Variants in TMEM26 observed in about 807,000 individuals in gnomAD.
TMEM26 encodes the protein transmembrane protein 26.
In TMEM26, 38 loss-of-function variants were observed where a neutral mutation model predicts 28.8. That is an observed-to-expected ratio of 1.32 (90% CI 1.02 to 1.73). TMEM26 has a LOEUF of 1.73. Ranked by LOEUF, TMEM26 falls within the 40% of genes most tolerant of loss-of-function variation. The pLI is 0.00. For synonymous variants in TMEM26, 227 were observed against 182.9 expected, an observed-to-expected ratio of 1.24 and a Z score of -1.95; for missense variants, 518 against 447.1, an observed-to-expected ratio of 1.16 and a Z score of -1.43.
intron 5 of TMEM26, among the ~76,000 whole-genome samples, chr10:61,412,525 A>C (rs1469148563): frequency 6.6e-6 from 1 of 152,180 alleles, no homozygotes; most frequent in East Asian, 1.9e-4. Flanking sequence ...AGTCAGGCTA[A>C]GGAAAACATA....
chr10:61,426,866 CTA>C (rs1839841867), intron 4 of TMEM26, among the ~76,000 whole-genome samples: 1 of 151,960 alleles, frequency 6.6e-6, no homozygotes, highest in Non-Finnish European at 1.5e-5. Flanking sequence ...TTTGCAGTGT[CTA>C]TTCTTGCAGT....
At chr10:61,425,108 C>A (rs1193310508) in intron 4 of TMEM26, among the ~76,000 whole-genome samples, 1 of 152,074 alleles carries the variant, frequency 6.6e-6, no homozygotes, top group Non-Finnish European at 1.5e-5. Flanking sequence ...TGGGGGAAGG[C>A]AAGGAGGAGC....
At position 61,440,953 on chromosome 10, in the gene TMEM26, C is replaced by T. The variant is rs1430874504; in HGVS notation, c.192-4705G>A. On this transcript the variant is annotated intron_variant, in intron 1 of 5. Transcript: ENST00000399298. ...TGCATATAACCTATGCATATCCTCCCTATGCTTTAAATCATCTCTACATTA... is the reference window on the plus strand; with the variant it reads ...TGCATATAACCTATGCATATCCTCCTTATGCTTTAAATCATCTCTACATTA... 2.6e-5 allele frequency among the ~76,000 whole-genome samples: 4 copies of T among 152,152 alleles called. No homozygotes were observed. The East Asian group carries it at 7.7e-4, about 29-fold the overall frequency.
At chr10:61,417,116 G>A (rs2135291296) in intron 4 of TMEM26, among the ~76,000 whole-genome samples, 1 of 152,064 alleles carries the variant, frequency 6.6e-6, no homozygotes, top group South Asian at 2.1e-4. Context: ...GGAGATTAAT[G>A]GCAAACACTC....
chr10:61,449,181 A>T (rs569211945), intron 1 of TMEM26, among the ~76,000 whole-genome samples: 2 of 151,960 alleles, frequency 1.3e-5, no homozygotes, highest in Non-Finnish European at 2.9e-5. Flanking sequence ...AGGAGTACAT[A>T]TTTTTTTTAG....
Position 61,413,504 on chromosome 10 carries a change from C to T in TMEM26, c.637G>A (p.Val213Ile). The T allele has an allele frequency of 6.2e-7, 1 of 1,612,954 alleles. No homozygotes were observed. The highest frequency in any genetic ancestry group is 1.1e-5 in the South Asian group (1 of 90,964). Residue 213 changes from valine (V) to isoleucine (I), a missense_variant, in exon 5 of 6, where the codon GTT (valine) becomes ATT (isoleucine). Physicochemically the swap from Val to Ile is conservative, Grantham distance 29. Coordinates refer to ENST00000399298, the MANE Select transcript of TMEM26 (RefSeq NM_178505.8). ...TGCAGCATGCTCCAAGTCCATATAA[C>T]AAGGATGGCATAGACTAGTGCAGGA... ...NSPALVYAIL[V>I]IWTWSMLQFP...
chr10:61,416,877 T>C (rs1222564231), intron 4 of TMEM26, among the ~76,000 whole-genome samples: 1 of 152,018 alleles, frequency 6.6e-6, no homozygotes, highest in East Asian at 1.9e-4. Context: ...CCTACATAAA[T>C]CCAACTTTAA....
intron 4 of TMEM26, among the ~76,000 whole-genome samples, chr10:61,421,043 CAG>C (rs1839738053): frequency 6.6e-6 from 1 of 151,500 alleles, no homozygotes; most frequent in Non-Finnish European, 1.5e-5. Context: ...GAGGAGGAAA[CAG>C]AGTTATCAGT....
rs1171890044 is a variant in TMEM26 at position 61,410,550 on chromosome 10, GTTC to G, written c.876_878del (p.Lys292del). On this transcript the variant is annotated inframe_deletion, in exon 6 of 6. Coordinates refer to ENST00000399298, the MANE Select transcript of TMEM26 (RefSeq NM_178505.8). ...AGAGTTGCAACACCACCACGAGGAA[GTTC>G]TTCGCGGCAAAGAACACCAGCATCT... 6.2e-7 allele frequency: 1 copy of G among 1,614,014 alleles called. No homozygotes were observed. Among genetic ancestry groups the G allele is most frequent in the African/African-American group, 1.3e-5 (1 of 74,926 alleles).
chr10:61,423,421 T>C (rs1839779963), intron 4 of TMEM26, among the ~76,000 whole-genome samples: 1 of 152,092 alleles, frequency 6.6e-6, no homozygotes, highest in African/African-American at 2.4e-5. Context: ...CATAAGCAAA[T>C]GTTAGCAAGC....
Position 61,407,066 on chromosome 10 carries a change from G to A in TMEM26, c.*3256C>T, listed in dbSNP as rs1481939689. 6.6e-6 allele frequency: 1 copy of A among 152,028 alleles called. No homozygotes were observed. The highest frequency in any genetic ancestry group is 1.5e-5 in the Non-Finnish European group (1 of 67,980). The allele number at this position is 152,028 out of a possible 1,614,324, so 9.4% of individuals were successfully genotyped here. On this transcript the variant is annotated 3_prime_UTR_variant, in exon 6 of 6. Coordinates refer to ENST00000399298, the MANE Select transcript of TMEM26 (RefSeq NM_178505.8). The stretch of plus-strand genomic sequence containing the variant: ...GTCACCATCCCTCTTTCTTAGCATT[G>A]GAGGAGGGCTAAAGTGGACAGATGC...
intron 1 of TMEM26, among the ~76,000 whole-genome samples, chr10:61,440,518 A>G (rs1476557703): frequency 6.6e-6 from 1 of 150,582 alleles, no homozygotes; most frequent in East Asian, 1.9e-4. Context: ...AGTTCTCAAA[A>G]AAAAAAAAAA....
At chr10:61,413,705 T>A in intron 4 of TMEM26, 170 bp from the exon 5 acceptor site, 1 of 1,303,968 alleles carries the variant, frequency 7.7e-7, no homozygotes, top group Non-Finnish European at 9.7e-7. Context: ...AATGGAATAA[T>A]GAAGAAGTGA....
chr10:61,419,931 T>C (rs1341021217), intron 4 of TMEM26, among the ~76,000 whole-genome samples: 1 of 152,028 alleles, frequency 6.6e-6, no homozygotes, highest in East Asian at 1.9e-4. Context: ...CAAGAGAAAA[T>C]TGAGTCATCA....
chr10:61,422,725 T>C (rs188578306), intron 4 of TMEM26, among the ~76,000 whole-genome samples: 1 of 151,704 alleles, frequency 6.6e-6, no homozygotes, highest in East Asian at 2.0e-4. Context: ...ATAGAAAATA[T>C]GAAAGGTCAG....
At chr10:61,432,766 G>GT (rs1262835868) in intron 2 of TMEM26, among the ~76,000 whole-genome samples, 8 of 152,082 alleles carry the variant, frequency 5.3e-5, no homozygotes, top group Non-Finnish European at 7.4e-5. Flanking sequence ...GCAAGAAGCT[G>GT]TTTTTTCTAC....
Position 61,453,346 on chromosome 10 carries a change from C to A in TMEM26, c.-265G>T, listed in dbSNP as rs1033351846. The A allele has an allele frequency of 1.2e-5, 5 of 422,658 alleles. No homozygotes were observed. The highest frequency in any genetic ancestry group is 3.9e-5 in the African/African-American group (2 of 50,754). The allele number at this position is 422,658 out of a possible 1,614,324, so 26.2% of individuals were successfully genotyped here. On this transcript the variant is annotated 5_prime_UTR_variant, in exon 1 of 6. Coordinates refer to ENST00000399298, the MANE Select transcript of TMEM26 (RefSeq NM_178505.8). The stretch of plus-strand genomic sequence containing the variant: ...GGGTTTTCCAGGGAGTCTGGGGCTG[C>A]GCTGCCCTGTCTCCAGGGCGTTATT...
At chr10:61,432,272 C>T (rs1839934744) in intron 2 of TMEM26, among the ~76,000 whole-genome samples, 1 of 152,100 alleles carries the variant, frequency 6.6e-6, no homozygotes, top group Non-Finnish European at 1.5e-5. Flanking sequence ...CCAAAACATA[C>T]ATTTTAGTGA....
At chr10:61,428,542 G>C (rs61850628) in intron 4 of TMEM26, among the ~76,000 whole-genome samples, 2,370 of 152,126 alleles carry the variant, frequency 0.016, 34 homozygotes, top group Admixed American at 0.039. Flanking sequence ...TTCTAGGAGA[G>C]GATTTTATGA....
Sources: gnomAD v4.1 joint callset for allele counts (sites outside exome capture counted in the v4.1 genomes callset) on GRCh38, gnomAD v4.1.1 for gene constraint, MANE v1.5 for transcripts, NCBI Gene and HGNC (gene_info 2026-07-23, HGNC 2026-07-21) for gene names.